ADGRD1: variants seen among roughly 807,000 people sequenced by gnomAD.
ADGRD1 encodes adhesion G protein-coupled receptor D1.
In ADGRD1, 77 loss-of-function variants were observed where a neutral mutation model predicts 113.4. That is an observed-to-expected ratio of 0.68 (90% CI 0.57 to 0.82). The LOEUF (loss-of-function observed/expected upper bound fraction) is 0.82, where lower values mean the gene tolerates loss of function less well. ADGRD1 is among the 40% of genes least tolerant of loss of function. The probability of loss-of-function intolerance (pLI) is 0.00; values close to 1 mark genes in which losing one functional copy is unlikely to be tolerated. For missense variants in ADGRD1, 1,036 were observed against 1,139.1 expected, an observed-to-expected ratio of 0.91 and a Z score of 1.30; for synonymous variants, 474 against 475.0, an observed-to-expected ratio of 1.00 and a Z score of 0.03.
intron 13 of ADGRD1, among the ~76,000 whole-genome samples, chr12:131,071,874 C>T (rs1014214260): frequency 2.0e-5 from 3 of 151,308 alleles, no homozygotes; most frequent in East Asian, 1.9e-4. Context: ...GCAGGGTTCT[C>T]GGAGACATCG....
intron 8 of ADGRD1, among the ~76,000 whole-genome samples, chr12:130,996,640 G>A (rs1369368124): frequency 6.8e-5 from 7 of 102,566 alleles, no homozygotes; most frequent in African/African-American, 2.7e-4. Flanking sequence ...CGGACGAGGC[G>A]GCTGGCCGGG....
intron 13 of ADGRD1, among the ~76,000 whole-genome samples, chr12:131,040,920 A>G (rs1882068272): frequency 6.6e-6 from 1 of 152,206 alleles, no homozygotes; most frequent in Non-Finnish European, 1.5e-5. Context: ...TTAGCATCAG[A>G]ATTGCTAGCT....
intron 15 of ADGRD1, among the ~76,000 whole-genome samples, chr12:131,101,732 C>T (rs929221460): frequency 1.3e-5 from 2 of 152,100 alleles, no homozygotes; most frequent in Admixed American, 1.3e-4. Context: ...AAGAGCTGGA[C>T]GTTCGTTTCC....
intron 2 of ADGRD1, among the ~76,000 whole-genome samples, chr12:130,961,574 G>C (rs1316063792): frequency 6.6e-6 from 1 of 152,110 alleles, no homozygotes; most frequent in African/African-American, 2.4e-5. Context: ...CTTTAGAAGA[G>C]TTTGGTGAAA....
intron 12 of ADGRD1, among the ~76,000 whole-genome samples, chr12:131,010,416 C>T (rs1167463645): frequency 6.6e-6 from 1 of 152,218 alleles, no homozygotes; most frequent in East Asian, 1.9e-4. Flanking sequence ...GACATGGTAA[C>T]TGTGAGGACT....
Position 131,084,750 on chromosome 12 carries a change from T to A in ADGRD1, c.1671+87T>A. On this transcript the variant is annotated intron_variant, in intron 15 of 24. Coordinates refer to ENST00000261654, the MANE Select transcript of ADGRD1 (RefSeq NM_198827.5). This position sits in a 1 kb window ranked among gnomAD's most constrained non-coding sequence, Gnocchi z 4.5. The stretch of plus-strand genomic sequence containing the variant: ...GGCGGGAGGATGCTTTGCCCGCCAG[T>A]GCCCACGGGCCCTGGGCACATTACT... 1.4e-6 allele frequency: 2 copies of A among 1,421,448 alleles called. No individual in the cohort carries two copies. Among genetic ancestry groups the A allele is most frequent in the Non-Finnish European group, 1.9e-6 (2 of 1,028,120 alleles). 88.1% of individuals were successfully genotyped at this position (1,421,448 alleles called of 1,614,324 possible).
At chr12:131,007,351 C>A (rs1452002449) in intron 12 of ADGRD1, among the ~76,000 whole-genome samples, 1 of 152,188 alleles carries the variant, frequency 6.6e-6, no homozygotes, top group African/African-American at 2.4e-5. Context: ...GGCTGCCTTC[C>A]AATACAGCTT....
chr12:131,076,034 C>T (rs1885576450), intron 13 of ADGRD1, among the ~76,000 whole-genome samples: 1 of 152,176 alleles, frequency 6.6e-6, no homozygotes. Flanking sequence ...CTGTGCCTTT[C>T]ATTTAGGGTA....
In ADGRD1 at chr12:131,021,547, C is replaced by T. The variant is rs78391687; in HGVS notation, c.1473+7207C>T. Among the ~76,000 whole-genome samples, 282 of 152,176 alleles carry T rather than the reference C, an allele frequency of 1.9e-3. 1 individual carries two copies. Among genetic ancestry groups the T allele is most frequent in the African/African-American group, 6.3e-3 (260 of 41,506 alleles). On this transcript the variant is annotated intron_variant, in intron 13 of 24. Transcript: ENST00000261654. ...GTGAGTCGGCCTGTGGGCTACCAAG[C>T]GAGAGACATTTATTTTCTTGTTGTT...
At chr12:131,031,156 G>T (rs751653853) in intron 13 of ADGRD1, among the ~76,000 whole-genome samples, 1 of 152,218 alleles carries the variant, frequency 6.6e-6, no homozygotes, top group Non-Finnish European at 1.5e-5. Flanking sequence ...CGGAAGCTCT[G>T]CTGCCTTGGG....
At chr12:130,956,819 T>C (rs1296027171) in intron 2 of ADGRD1, 1 of 152,286 alleles carries the variant, frequency 6.6e-6, no homozygotes, top group Non-Finnish European at 1.5e-5. Flanking sequence ...TGTCTACATG[T>C]GTCAACATAT....
chr12:130,969,326 A>G, intron 3 of ADGRD1: 2 of 451,330 alleles, frequency 4.4e-6, no homozygotes, highest in Non-Finnish European at 8.0e-6. Flanking sequence ...GTAGCCTGTT[A>G]GGAACTGGGC....
At position 131,020,092 on chromosome 12, in the gene ADGRD1, G is replaced by A. The variant is rs112775869; in HGVS notation, c.1473+5752G>A. On this transcript the variant is annotated intron_variant, in intron 13 of 24. Transcript: ENST00000261654. Reference sequence around the variant, plus strand: ...GCTCCGTCCAGGGCAGGGGGTGCTCGAGAGAGATATTCCAGGGGCAGGACC... The same window carrying A: ...GCTCCGTCCAGGGCAGGGGGTGCTCAAGAGAGATATTCCAGGGGCAGGACC... Among the ~76,000 whole-genome samples, 191 of 26,368 alleles carry A rather than the reference G, an allele frequency of 7.2e-3. 8 individuals are homozygous for A. Among genetic ancestry groups the A allele is most frequent in the African/African-American group, 0.019 (187 of 9,796 alleles). 17.3% of individuals were successfully genotyped at this position (26,368 alleles called of 152,430 possible). A position where few individuals can be genotyped will look rare whatever the true frequency, so the allele number is the denominator to read the frequency against.
chr12:131,135,957 G>A, intron 21 of ADGRD1, 80 bp from the exon 22 acceptor site: 1 of 1,509,288 alleles, frequency 6.6e-7, no homozygotes, highest in Admixed American at 1.8e-5. Flanking sequence ...CCATCTGGAA[G>A]CCTGGCGTCT....
chr12:131,071,159 T>C (rs1331216934), intron 13 of ADGRD1, among the ~76,000 whole-genome samples: 1 of 122,770 alleles, frequency 8.1e-6, no homozygotes, highest in African/African-American at 3.2e-5. Flanking sequence ...TGGGGCTAAG[T>C]GAAAGGAGGT....
chr12:131,047,645 C>T (rs1378303140), intron 13 of ADGRD1, among the ~76,000 whole-genome samples: 1 of 152,204 alleles, frequency 6.6e-6, no homozygotes, highest in African/African-American at 2.4e-5. Context: ...TGGCTGTGAC[C>T]GTTCCAGACA....
At chr12:130,996,364 C>T (rs1259613849) in intron 8 of ADGRD1, among the ~76,000 whole-genome samples, 5 of 125,522 alleles carry the variant, frequency 4.0e-5, no homozygotes, top group African/African-American at 5.9e-5. Context: ...CGGGCAGAGG[C>T]GCCCCTCACC....
intron 2 of ADGRD1, among the ~76,000 whole-genome samples, chr12:130,963,293 C>A (rs1870600558): frequency 7.4e-6 from 1 of 134,628 alleles, no homozygotes; most frequent in African/African-American, 2.8e-5. Context: ...GCACTCCAGC[C>A]TGGGCGACAG....
At chr12:130,999,662 G>A (rs541985475) in intron 8 of ADGRD1, among the ~76,000 whole-genome samples, 3 of 152,124 alleles carry the variant, frequency 2.0e-5, no homozygotes, top group African/African-American at 4.8e-5. Context: ...TGAGTGAAAC[G>A]GACATGAGCG....
Sources: gnomAD v4.1 joint callset for allele counts (sites outside exome capture counted in the v4.1 genomes callset) on GRCh38, gnomAD v4.1.1 for gene constraint, Gnocchi (gnomAD v3.1) non-coding constraint, MANE v1.5 for transcripts, NCBI Gene and HGNC (gene_info 2026-07-23, HGNC 2026-07-21) for gene names.